The following MOB3B variants were observed in gnomAD, a reference collection of about 807,000 sequenced individuals.
MOB3B encodes the protein MOB kinase activator 3B.
MOB3B carries 7 observed loss-of-function variants against 18.7 expected under a neutral mutation model. That is an observed-to-expected ratio of 0.37 (90% CI 0.21 to 0.70). The LOEUF (loss-of-function observed/expected upper bound fraction) is 0.70, where lower values mean the gene tolerates loss of function less well. Ranked by LOEUF, MOB3B falls within the 30% of genes least tolerant of loss-of-function variation. The probability of loss-of-function intolerance (pLI) is 0.52; values close to 1 mark genes in which losing one functional copy is unlikely to be tolerated. For missense variants in MOB3B, 253 were observed against 281.3 expected (o/e 0.90, Z 0.72); for synonymous variants, 111 against 99.9 (o/e 1.11, Z -0.66).
intron 2 of MOB3B, among the ~76,000 whole-genome samples, chr9:27,392,981 G>A (rs1418999887): frequency 2.0e-5 from 3 of 152,228 alleles, no homozygotes; most frequent in Admixed American, 1.3e-4. Flanking sequence ...TTGAGACAAA[G>A]TGTTGCTTGA....
intron 1 of MOB3B, among the ~76,000 whole-genome samples, chr9:27,495,131 C>A (rs1819877246): frequency 6.6e-6 from 1 of 152,008 alleles, no homozygotes; most frequent in Non-Finnish European, 1.5e-5. Flanking sequence ...GAGTTCAAGA[C>A]CAGCCTGGGC....
At chr9:27,352,700 A>G (rs1215971918) in intron 3 of MOB3B, among the ~76,000 whole-genome samples, 1 of 152,192 alleles carries the variant, frequency 6.6e-6, no homozygotes, top group Admixed American at 6.5e-5. Flanking sequence ...AGGAAAATAG[A>G]AAAATCTAGA....
intron 3 of MOB3B, among the ~76,000 whole-genome samples, chr9:27,350,927 A>C (rs1204899962): frequency 2.0e-5 from 3 of 147,974 alleles, no homozygotes; most frequent in Non-Finnish European, 3.0e-5. Flanking sequence ...TTTAAGACGA[A>C]GTCTCGCTGT....
intron 3 of MOB3B, among the ~76,000 whole-genome samples, chr9:27,346,707 A>G (rs1821034805): frequency 6.6e-6 from 1 of 152,188 alleles, no homozygotes; most frequent in African/African-American, 2.4e-5. Flanking sequence ...AAATTATACC[A>G]TTAGAGGCCG....
intron 2 of MOB3B, among the ~76,000 whole-genome samples, chr9:27,393,375 G>A (rs1444258458): frequency 1.9e-5 from 2 of 105,966 alleles, no homozygotes; most frequent in East Asian, 2.1e-4. Flanking sequence ...GCAGAGAAGT[G>A]TGTGTGTGTG....
At chr9:27,356,798 CCT>C (rs1477041278) in intron 3 of MOB3B, among the ~76,000 whole-genome samples, 1 of 150,896 alleles carries the variant, frequency 6.6e-6, no homozygotes, top group African/African-American at 2.4e-5. Flanking sequence ...GTCCATCTTT[CCT>C]CTCTGTCCTT....
At chr9:27,423,895 A>C (rs1408379071) in intron 2 of MOB3B, among the ~76,000 whole-genome samples, 1 of 152,240 alleles carries the variant, frequency 6.6e-6, no homozygotes, top group Non-Finnish European at 1.5e-5. Flanking sequence ...CCTCTCAACA[A>C]CTATACGAAG....
intron 2 of MOB3B, among the ~76,000 whole-genome samples, chr9:27,446,327 T>C (rs1822692701): frequency 6.6e-6 from 1 of 152,134 alleles, no homozygotes; most frequent in Non-Finnish European, 1.5e-5. Flanking sequence ...TTATACCGAA[T>C]GTTATGCTGG....
intron 1 of MOB3B, among the ~76,000 whole-genome samples, chr9:27,461,935 A>C (rs368121806): frequency 6.6e-6 from 1 of 152,216 alleles, no homozygotes; most frequent in African/African-American, 2.4e-5. Flanking sequence ...GGTTTGAAAC[A>C]TTACCTACTG....
intron 2 of MOB3B, among the ~76,000 whole-genome samples, chr9:27,408,126 A>T (rs1822014530): frequency 6.6e-6 from 1 of 152,158 alleles, no homozygotes; most frequent in African/African-American, 2.4e-5. Context: ...ACAACAAACC[A>T]TGTGCCTCCG....
chr9:27,444,435 A>C (rs1172516252), intron 2 of MOB3B, among the ~76,000 whole-genome samples: 1 of 152,214 alleles, frequency 6.6e-6, no homozygotes, highest in Non-Finnish European at 1.5e-5. Flanking sequence ...AATTTTTTCA[A>C]GTTAATCATA....
intron 1 of MOB3B, among the ~76,000 whole-genome samples, chr9:27,484,121 C>G (rs1365203084): frequency 6.6e-6 from 1 of 152,182 alleles, no homozygotes; most frequent in Non-Finnish European, 1.5e-5. Context: ...ACCTGCATTT[C>G]ATAATATATG....
At chr9:27,456,095 C>T (rs931556953) in intron 1 of MOB3B, among the ~76,000 whole-genome samples, 3 of 152,100 alleles carry the variant, frequency 2.0e-5, no homozygotes, top group African/African-American at 7.2e-5. Flanking sequence ...TTTTAGAGCC[C>T]CACCCCCCAA....
chr9:27,437,452 A>G (rs1206793748), intron 2 of MOB3B, among the ~76,000 whole-genome samples: 1 of 152,164 alleles, frequency 6.6e-6, no homozygotes, highest in East Asian at 1.9e-4. Context: ...TCCTATCTTT[A>G]TTGGACATTG....
At chr9:27,502,811 T>C (rs988710487) in intron 1 of MOB3B, among the ~76,000 whole-genome samples, 1 of 152,240 alleles carries the variant, frequency 6.6e-6, no homozygotes, top group Non-Finnish European at 1.5e-5. Context: ...ATCTTCAGTC[T>C]TTCTAAAGAG....
intron 2 of MOB3B, among the ~76,000 whole-genome samples, chr9:27,367,428 G>C (rs1332034095): frequency 6.6e-6 from 1 of 152,216 alleles, no homozygotes; most frequent in Non-Finnish European, 1.5e-5. Context: ...CCAAATGTAT[G>C]TGTCACTGGG....
At chr9:27,378,283 G>T in intron 2 of MOB3B, 1 of 458,438 alleles carries the variant, frequency 2.2e-6, no homozygotes, top group Non-Finnish European at 4.5e-6. Flanking sequence ...ATGAATCTCA[G>T]CTGGGGAGGG....
intron 3 of MOB3B, among the ~76,000 whole-genome samples, chr9:27,346,365 C>A (rs962839608): frequency 6.6e-6 from 1 of 152,186 alleles, no homozygotes; most frequent in Non-Finnish European, 1.5e-5. Context: ...GGAATCAGAC[C>A]GTATGTGCTC....
At chr9:27,338,811 G>T (rs922230184) in intron 3 of MOB3B, among the ~76,000 whole-genome samples, 2 of 152,162 alleles carry the variant, frequency 1.3e-5, no homozygotes, top group Non-Finnish European at 2.9e-5. Context: ...ATGTATCAGA[G>T]GAAATAACAC....
Sources: allele counts gnomAD v4.1 joint callset (sites outside exome capture counted in the v4.1 genomes callset), GRCh38; gene constraint gnomAD v4.1.1; transcripts MANE v1.5; gene names NCBI Gene and HGNC (gene_info 2026-07-23, HGNC 2026-07-21).